The following CFH variants were observed in gnomAD, a reference collection of about 807,000 sequenced individuals.
CFH encodes the protein H factor 1 (complement).
CFH carries 53 observed loss-of-function variants against 147.3 expected under a neutral mutation model. That is an observed-to-expected ratio of 0.36 (90% CI 0.29 to 0.45). The LOEUF (loss-of-function observed/expected upper bound fraction) is 0.45, where lower values mean the gene tolerates loss of function less well. Among genes scored for constraint, CFH ranks in the 20% least tolerant of loss-of-function variants. The pLI is 1.00. For synonymous variants in CFH, 536 were observed against 489.4 expected, an observed-to-expected ratio of 1.10 and a Z score of -1.26; for missense variants, 1,380 against 1,498.0, an observed-to-expected ratio of 0.92 and a Z score of 1.30.
chr1:196,660,071 A>T (rs1666849947), intron 1 of CFH, among the ~76,000 whole-genome samples: 1 of 152,178 alleles, frequency 6.6e-6, no homozygotes, highest in Admixed American at 6.5e-5. Context: ...GGATGGTAGT[A>T]TGTAGAGACA....
At chr1:196,710,700 A>G (rs1348916906) in intron 9 of CFH, among the ~76,000 whole-genome samples, 3 of 152,146 alleles carry the variant, frequency 2.0e-5, no homozygotes. Context: ...GGGAGAACTG[A>G]TATGTAATAG....
chr1:196,652,911 A>G (rs17573867), intron 1 of CFH, among the ~76,000 whole-genome samples: 3,309 of 151,960 alleles, frequency 0.022, 89 homozygotes, highest in South Asian at 0.072. Context: ...GCTTCTTGAT[A>G]GATTAAAAAG....
chr1:196,670,770 A>G (rs973073560), intron 1 of CFH, among the ~76,000 whole-genome samples: 5 of 152,198 alleles, frequency 3.3e-5, no homozygotes, highest in African/African-American at 1.2e-4. Context: ...GCAGAGTATC[A>G]GTATAGGTTT....
intron 11 of CFH, among the ~76,000 whole-genome samples, chr1:196,724,091 A>C (rs1276280280): frequency 6.6e-6 from 1 of 152,080 alleles, no homozygotes; most frequent in Non-Finnish European, 1.5e-5. Context: ...GCTCTTGCAC[A>C]CAGGAAAGTG....
intron 4 of CFH, chr1:196,677,273 A>G: frequency 1.8e-6 from 1 of 543,368 alleles, no homozygotes; most frequent in South Asian, 2.2e-5. Context: ...GTCCACTCCC[A>G]TAGAAAAGAA....
At chr1:196,736,054 G>T (rs1407502701) in intron 15 of CFH, among the ~76,000 whole-genome samples, 4 of 151,934 alleles carry the variant, frequency 2.6e-5, no homozygotes, top group Non-Finnish European at 5.9e-5. Flanking sequence ...CAGTCAAACA[G>T]GACATGCTTC....
intron 1 of CFH, among the ~76,000 whole-genome samples, chr1:196,670,484 G>A (rs1417747957): frequency 1.3e-5 from 2 of 152,098 alleles, no homozygotes; most frequent in African/African-American, 4.8e-5. Context: ...TGCTATTCTC[G>A]TGATAGTGAA....
intron 9 of CFH, among the ~76,000 whole-genome samples, chr1:196,713,359 A>C (rs1668768343): frequency 6.6e-6 from 1 of 152,144 alleles, no homozygotes; most frequent in South Asian, 2.1e-4. Context: ...CAATTGGCTA[A>C]ATGAGATTTG....
chr1:196,679,371 G>A lies in CFH; in HGVS notation c.620-252G>A, dbSNP rs1667573271. 1.2e-5 allele frequency: 4 copies of A among 323,866 alleles called. No homozygotes were observed. In the South Asian group the frequency reaches 1.5e-4, roughly 12 times the overall value. The allele number at this position is 323,866 out of a possible 1,614,324, so 20.1% of individuals were successfully genotyped here. Reference sequence around the variant, plus strand: ...AATTTTATTTATACAGTTGATGAATGTTACTGGTCACTATTTATTTCAAGA... The same window carrying A: ...AATTTTATTTATACAGTTGATGAATATTACTGGTCACTATTTATTTCAAGA... On this transcript the variant is annotated intron_variant, in intron 5 of 21. Coordinates refer to ENST00000367429, the MANE Select transcript of CFH (RefSeq NM_000186.4).
At chr1:196,733,892 T>A (rs2149111739) in intron 15 of CFH, among the ~76,000 whole-genome samples, 1 of 152,146 alleles carries the variant, frequency 6.6e-6, no homozygotes, top group South Asian at 2.1e-4. Context: ...GAAGAATATA[T>A]CATAAAACTT....
At chr1:196,678,363 G>A (rs988436474) in intron 5 of CFH, 3 of 152,058 alleles carry the variant, frequency 2.0e-5, no homozygotes, top group African/African-American at 7.2e-5. Context: ...GATAAACATC[G>A]TGGTTGATTT....
chr1:196,700,670 A>G (rs553062844), intron 9 of CFH, among the ~76,000 whole-genome samples: 1 of 149,550 alleles, frequency 6.7e-6, no homozygotes, highest in Non-Finnish European at 1.5e-5. Flanking sequence ...AAAAAAAAAG[A>G]AAAGAAAAAA....
intron 17 of CFH, among the ~76,000 whole-genome samples, chr1:196,738,557 G>A (rs897139347): frequency 1.3e-5 from 2 of 152,156 alleles, no homozygotes; most frequent in Non-Finnish European, 2.9e-5. Flanking sequence ...AAATTTAATA[G>A]GGCAGTCATT....
chr1:196,736,721 CTATTT>C (rs1439205036), intron 15 of CFH, 98 bp from the exon 16 acceptor site: 17 of 471,350 alleles, frequency 3.6e-5, no homozygotes, highest in Non-Finnish European at 4.9e-5. Flanking sequence ...TCTATTTATT[CTATTT>C]TAATCATATA....
intron 15 of CFH, among the ~76,000 whole-genome samples, chr1:196,730,140 T>C (rs190668192): frequency 1.3e-5 from 2 of 152,012 alleles, no homozygotes; most frequent in Admixed American, 1.3e-4. Context: ...GACTAGTTTG[T>C]TCATGTTTTT....
chr1:196,714,668 T>TATAG (rs1362376856), intron 10 of CFH, among the ~76,000 whole-genome samples: 17 of 21,300 alleles, frequency 8.0e-4, no homozygotes, highest in African/African-American at 1.2e-3. Context: ...TATATATATA[T>TATAG]AGAGAGAGAG....
chr1:196,666,455 C>A lies in CFH; in HGVS notation c.59-6523C>A, dbSNP rs145596707. On this transcript the variant is annotated intron_variant, in intron 1 of 21. Transcript: ENST00000367429. ...TATTGTTTATTTCAAATCATATTCT[C>A]ATTTATATTATATTTTTCTTTAACT... Among the ~76,000 whole-genome samples the A allele has an allele frequency of 2.6e-3, 401 of 151,974 alleles. 2 individuals are homozygous for A. Among genetic ancestry groups the A allele is most frequent in the East Asian group, 0.014 (70 of 5,172 alleles).
chr1:196,700,768 A>G (rs1323833381), intron 9 of CFH: 1 of 974,976 alleles, frequency 1.0e-6, no homozygotes, highest in Admixed American at 6.2e-5. Context: ...GAGAAGCTCA[A>G]GAAGCTGCTT....
chr1:196,721,851 A>G (rs1452581860), intron 11 of CFH, among the ~76,000 whole-genome samples: 6 of 151,150 alleles, frequency 4.0e-5, no homozygotes, highest in African/African-American at 7.3e-5. Flanking sequence ...TTTTTTATAT[A>G]TAAATATAAC....
Sources: allele counts gnomAD v4.1 joint callset (sites outside exome capture counted in the v4.1 genomes callset), GRCh38; gene constraint gnomAD v4.1.1; transcripts MANE v1.5; gene names NCBI Gene and HGNC (gene_info 2026-07-23, HGNC 2026-07-21).